SLC7A14: variants seen among roughly 807,000 people sequenced by gnomAD.
SLC7A14 encodes the protein solute carrier family 7 member 14.
Under a neutral mutation model 60.2 loss-of-function variants are expected in SLC7A14, and 37 were observed. That is an observed-to-expected ratio of 0.61 (90% confidence interval 0.47 to 0.81). The LOEUF is 0.81. Among genes scored for constraint, SLC7A14 ranks in the 30% least tolerant of loss-of-function variants. The probability of loss-of-function intolerance (pLI) is 0.00; values close to 1 mark genes in which losing one functional copy is unlikely to be tolerated. For missense variants in SLC7A14, 886 were observed against 982.7 expected, an observed-to-expected ratio of 0.90 and a Z score of 1.32; for synonymous variants, 399 against 395.8, an observed-to-expected ratio of 1.01 and a Z score of -0.10.
At chr3:170,570,500 A>G (rs1392293376) in intron 1 of SLC7A14, 1 of 136,538 alleles carries the variant, frequency 7.3e-6, no homozygotes, top group African/African-American at 3.0e-5. Context: ...AGAGGGTCCA[A>G]ATAGTTTTCT....
At chr3:170,568,272 T>C (rs1252256379) in intron 1 of SLC7A14, among the ~76,000 whole-genome samples, 2 of 152,212 alleles carry the variant, frequency 1.3e-5, no homozygotes, top group Non-Finnish European at 2.9e-5. Flanking sequence ...GGGAATCCTT[T>C]CCCCATTGCT....
At chr3:170,555,604 T>C (rs1714464762) in intron 1 of SLC7A14, among the ~76,000 whole-genome samples, 1 of 152,176 alleles carries the variant, frequency 6.6e-6, no homozygotes, top group Non-Finnish European at 1.5e-5. Flanking sequence ...ACTACACACC[T>C]AGGCTACATG....
At chr3:170,495,680 A>G (rs1253198987) in intron 4 of SLC7A14, 10 of 898,786 alleles carry the variant, frequency 1.1e-5, no homozygotes, top group Non-Finnish European at 1.7e-5. Context: ...ACCTGGAGGT[A>G]GATCCCAATA....
At chr3:170,541,984 C>T (rs182538625) in intron 1 of SLC7A14, among the ~76,000 whole-genome samples, 4 of 152,330 alleles carry the variant, frequency 2.6e-5, no homozygotes, top group Admixed American at 6.5e-5. Flanking sequence ...TATGCTTCTA[C>T]GCATCTCCGT....
At chr3:170,512,809 G>A (rs918828433) in intron 2 of SLC7A14, among the ~76,000 whole-genome samples, 3 of 150,402 alleles carry the variant, frequency 2.0e-5, no homozygotes, top group Admixed American at 6.6e-5. Context: ...GACTACAGGC[G>A]CCCGCCACTA....
intron 4 of SLC7A14, chr3:170,496,295 G>A: frequency 1.0e-6 from 1 of 987,914 alleles, no homozygotes; most frequent in Non-Finnish European, 1.6e-6. Flanking sequence ...AGTATGCAGA[G>A]CTGCAGACGC....
At chr3:170,569,018 A>G (rs1292862634) in intron 1 of SLC7A14, among the ~76,000 whole-genome samples, 1 of 152,122 alleles carries the variant, frequency 6.6e-6, no homozygotes, top group Non-Finnish European at 1.5e-5. Flanking sequence ...CCCCTGCCTA[A>G]TTGCCCTGGC....
intron 2 of SLC7A14, among the ~76,000 whole-genome samples, chr3:170,520,386 T>A (rs1332053540): frequency 6.6e-6 from 1 of 152,234 alleles, no homozygotes; most frequent in Non-Finnish European, 1.5e-5. Context: ...GTTATGACTA[T>A]TATTGCCATA....
chr3:170,519,782 G>A (rs951605591), intron 2 of SLC7A14, among the ~76,000 whole-genome samples: 2 of 152,102 alleles, frequency 1.3e-5, no homozygotes, highest in African/African-American at 2.4e-5. Flanking sequence ...TCTCAAAAAT[G>A]AAACAAACAA....
intron 1 of SLC7A14, among the ~76,000 whole-genome samples, chr3:170,536,765 G>A (rs577210996): frequency 2.0e-5 from 3 of 152,192 alleles, no homozygotes; most frequent in Non-Finnish European, 4.4e-5. Flanking sequence ...TAGTTGCAAA[G>A]TGTACTCATG....
intron 2 of SLC7A14, among the ~76,000 whole-genome samples, chr3:170,514,014 C>T (rs1286993966): frequency 6.6e-6 from 1 of 152,238 alleles, no homozygotes; most frequent in Non-Finnish European, 1.5e-5. Context: ...CCATCTCCAT[C>T]TGTGTGTAGT....
chr3:170,474,061 C>T (rs1711525818), intron 7 of SLC7A14, among the ~76,000 whole-genome samples: 3 of 152,188 alleles, frequency 2.0e-5, no homozygotes. Context: ...CTGTTTGTAA[C>T]AGCCCTCAAC....
chr3:170,536,654 G>A (rs112528115), intron 1 of SLC7A14, among the ~76,000 whole-genome samples: 9 of 152,298 alleles, frequency 5.9e-5, no homozygotes, highest in Admixed American at 2.6e-4. Flanking sequence ...TCCCAGTCCC[G>A]TAGGACAAGC....
chr3:170,501,289 T>C lies in SLC7A14; in HGVS notation c.361A>G (p.Thr121Ala). ...TCCCCAACAGTGACATAGCTGTAGG[T>C]GTAGGCAGATCCTGTGGTCTTGGGG... ...RVPKTTGSAY[T>A]YSYVTVGEFV... The change falls in exon 3 of 8, where the codon ACC (threonine) becomes GCC (alanine). Residue 121 changes from threonine to alanine, a missense_variant. Coordinates refer to ENST00000231706, the MANE Select transcript of SLC7A14 (RefSeq NM_020949.3). 1 of 1,614,136 alleles carries C rather than the reference T, an allele frequency of 6.2e-7. No homozygotes were observed. Among genetic ancestry groups the C allele is most frequent in the Middle Eastern group, 1.6e-4 (1 of 6,062 alleles).
chr3:170,510,400 ATAAAT>A (rs763644943), intron 2 of SLC7A14, among the ~76,000 whole-genome samples: 40 of 127,414 alleles, frequency 3.1e-4, no homozygotes, highest in Non-Finnish European at 4.3e-4. Flanking sequence ...AAAAAAAAAA[ATAAAT>A]AAATAAATAA....
At chr3:170,474,379 T>C (rs1711552144) in intron 7 of SLC7A14, among the ~76,000 whole-genome samples, 1 of 152,184 alleles carries the variant, frequency 6.6e-6, no homozygotes, top group Non-Finnish European at 1.5e-5. Flanking sequence ...CCGCCCGCTC[T>C]GCATCTGGCA....
At chr3:170,548,052 C>T (rs764055503) in intron 1 of SLC7A14, among the ~76,000 whole-genome samples, 25 of 152,182 alleles carry the variant, frequency 1.6e-4, no homozygotes, top group Non-Finnish European at 3.2e-4. Flanking sequence ...GTGCCAGTTT[C>T]ACCACTCTTC....
At chr3:170,509,392 C>T (rs1296057994) in intron 2 of SLC7A14, among the ~76,000 whole-genome samples, 2 of 152,160 alleles carry the variant, frequency 1.3e-5, no homozygotes, top group African/African-American at 4.8e-5. Context: ...AGAGAACTCC[C>T]AAGTCTGCCA....
intron 7 of SLC7A14, among the ~76,000 whole-genome samples, chr3:170,479,861 T>C (rs369847457): frequency 6.6e-6 from 1 of 152,256 alleles, no homozygotes. Context: ...GCATAATTGC[T>C]ATTTTAATTT....
Sources: allele counts gnomAD v4.1 joint callset (sites outside exome capture counted in the v4.1 genomes callset), GRCh38; gene constraint gnomAD v4.1.1; transcripts MANE v1.5; gene names NCBI Gene and HGNC (gene_info 2026-07-23, HGNC 2026-07-21).